The following CTNNBL1 variants were observed in gnomAD, a reference collection of about 807,000 sequenced individuals.
The protein encoded by CTNNBL1 is beta-catenin-like protein 1.
CTNNBL1 carries 31 observed loss-of-function variants against 72.7 expected under a neutral mutation model. The ratio of observed to expected loss-of-function variants is 0.43; its 90% CI spans 0.32 to 0.58. CTNNBL1 has a LOEUF of 0.58. Among genes scored for constraint, CTNNBL1 ranks in the 20% least tolerant of loss-of-function variants. The probability of loss-of-function intolerance (pLI) is 0.08; values close to 1 mark genes in which losing one functional copy is unlikely to be tolerated. For missense variants in CTNNBL1, 534 were observed against 725.1 expected (o/e 0.74, Z 3.03); for synonymous variants, 240 against 267.3 (o/e 0.90, Z 1.00).
intron 3 of CTNNBL1, among the ~76,000 whole-genome samples, chr20:37,739,959 C>T (rs2073201054): frequency 6.6e-6 from 1 of 152,116 alleles, no homozygotes; most frequent in Non-Finnish European, 1.5e-5. Context: ...CTTTGAACAC[C>T]AGTATTTCCT....
chr20:37,787,740 T>C lies in CTNNBL1; in HGVS notation c.1031+8405T>C, dbSNP rs141682572. On this transcript the variant is annotated intron_variant, in intron 10 of 15. Coordinates refer to ENST00000361383, the MANE Select transcript of CTNNBL1 (RefSeq NM_030877.5). ...GTAATTACGTTTAGCCCTTTTCCTG[T>C]TTGTTTTATGGTTTCCTTGGTTGTT... Among the ~76,000 whole-genome samples the C allele has an allele frequency of 1.7e-3, 266 of 152,322 alleles. 3 individuals carry two copies. Among genetic ancestry groups the C allele is most frequent in the African/African-American group, 6.1e-3 (255 of 41,578 alleles).
intron 11 of CTNNBL1, among the ~76,000 whole-genome samples, chr20:37,825,828 C>T (rs2072154695): frequency 6.6e-6 from 1 of 152,226 alleles, no homozygotes; most frequent in Non-Finnish European, 1.5e-5. Context: ...GCTCATACTT[C>T]ATGGTGCTCC....
chr20:37,860,489 G>T, intron 15 of CTNNBL1, 145 bp downstream of exon 15: 1 of 685,424 alleles, frequency 1.5e-6, no homozygotes, highest in East Asian at 2.7e-5. Context: ...TGTGTGTCCA[G>T]GTCGTCTTTG....
chr20:37,803,974 G>A (rs1462551978), intron 11 of CTNNBL1, among the ~76,000 whole-genome samples: 1 of 151,980 alleles, frequency 6.6e-6, no homozygotes, highest in Non-Finnish European at 1.5e-5. Flanking sequence ...TTTTCCAGTT[G>A]ACTTGGCTTA....
chr20:37,852,466 C>T (rs921641286), intron 13 of CTNNBL1, among the ~76,000 whole-genome samples: 8 of 152,176 alleles, frequency 5.3e-5, no homozygotes, highest in African/African-American at 1.2e-4. Flanking sequence ...TGTCCTGTTG[C>T]GGTGGTGAAG....
intron 4 of CTNNBL1, among the ~76,000 whole-genome samples, chr20:37,748,710 G>A (rs1202903944): frequency 6.6e-6 from 1 of 152,204 alleles, no homozygotes; most frequent in African/African-American, 2.4e-5. Flanking sequence ...TCTGGTGAGG[G>A]TCTGCTTCCA....
intron 9 of CTNNBL1, among the ~76,000 whole-genome samples, chr20:37,778,577 CT>C (rs1157504120): frequency 7.9e-5 from 12 of 152,188 alleles, no homozygotes; most frequent in African/African-American, 2.7e-4. Context: ...TGCCTTACAT[CT>C]CTGGCAAAAA....
chr20:37,860,630 T>C (rs1373291127), intron 15 of CTNNBL1, among the ~76,000 whole-genome samples: 1 of 152,070 alleles, frequency 6.6e-6, no homozygotes, highest in Non-Finnish European at 1.5e-5. Flanking sequence ...AAACAAAAAA[T>C]TCAATTCCAA....
chr20:37,766,601 G>A (rs899544927), intron 6 of CTNNBL1, among the ~76,000 whole-genome samples: 2 of 152,316 alleles, frequency 1.3e-5, no homozygotes, highest in East Asian at 3.9e-4. Context: ...GCTAGCTCCT[G>A]TGCATGACTG....
At chr20:37,863,181 A>G (rs935291432) in intron 15 of CTNNBL1, among the ~76,000 whole-genome samples, 6 of 152,134 alleles carry the variant, frequency 3.9e-5, no homozygotes, top group Admixed American at 2.6e-4. Flanking sequence ...GTGCTGTGCT[A>G]TGGAGGTGTC....
intron 1 of CTNNBL1, among the ~76,000 whole-genome samples, chr20:37,714,660 G>A (rs2072970427): frequency 6.6e-6 from 1 of 152,184 alleles, no homozygotes; most frequent in Non-Finnish European, 1.5e-5. Flanking sequence ...AGTCTACTGT[G>A]GGCCATGATT....
chr20:37,720,756 CT>C (rs777552612), intron 1 of CTNNBL1, among the ~76,000 whole-genome samples: 4 of 152,196 alleles, frequency 2.6e-5, no homozygotes, highest in Non-Finnish European at 4.4e-5. Flanking sequence ...AGCCAAAAAT[CT>C]GTCTTTCATT....
chr20:37,791,065 T>G (rs1241652729), intron 10 of CTNNBL1, among the ~76,000 whole-genome samples: 1 of 152,224 alleles, frequency 6.6e-6, no homozygotes, highest in South Asian at 2.1e-4. Flanking sequence ...TATTTTGAGA[T>G]TCGTCCATGT....
At chr20:37,837,670 G>GC (rs2072266924) in intron 11 of CTNNBL1, among the ~76,000 whole-genome samples, 1 of 5,200 alleles carries the variant, frequency 1.9e-4, no homozygotes, top group Admixed American at 3.8e-3. Context: ...AAGTGCAAAA[G>GC]TATTTGAAGG....
intron 1 of CTNNBL1, among the ~76,000 whole-genome samples, chr20:37,702,690 C>T (rs993747050): frequency 6.6e-6 from 1 of 152,030 alleles, no homozygotes; most frequent in Non-Finnish European, 1.5e-5. Flanking sequence ...CACTTCCTCC[C>T]TCTGCGTTCT....
rs544837283 is a variant in CTNNBL1 at position 37,786,379 on chromosome 20, A to G, written c.1031+7044A>G. Among the ~76,000 whole-genome samples the G allele has an allele frequency of 3.3e-5, 5 of 152,304 alleles. No homozygotes were observed. In the East Asian group the frequency reaches 7.7e-4, roughly 24 times the overall value. The stretch of plus-strand genomic sequence containing the variant: ...GTTCCCCCCAGCCCCAGGCAGCTCT[A>G]CAGATGCCATCTGAGAGCCAGAGCC... On this transcript the variant is annotated intron_variant, in intron 10 of 15. Coordinates refer to ENST00000361383, the MANE Select transcript of CTNNBL1 (RefSeq NM_030877.5).
At chr20:37,757,506 G>GA in intron 4 of CTNNBL1, 53 bp from the exon 5 acceptor site, 1 of 1,322,270 alleles carries the variant, frequency 7.6e-7, no homozygotes, top group Non-Finnish European at 1.1e-6. Flanking sequence ...CAAGGATTAA[G>GA]AAAAATACTG....
At chr20:37,776,031 T>C (rs2073570659) in intron 7 of CTNNBL1, among the ~76,000 whole-genome samples, 1 of 152,258 alleles carries the variant, frequency 6.6e-6, no homozygotes, top group South Asian at 2.1e-4. Flanking sequence ...GCTTACTCCT[T>C]GGCTTTTCAC....
chr20:37,753,957 G>A (rs1600465426), intron 4 of CTNNBL1, among the ~76,000 whole-genome samples: 1 of 152,220 alleles, frequency 6.6e-6, no homozygotes, highest in African/African-American at 2.4e-5. Context: ...AGGAAATTAA[G>A]CTGTAAGGAA....
Sources: gnomAD v4.1 joint callset for allele counts (sites outside exome capture counted in the v4.1 genomes callset) on GRCh38, gnomAD v4.1.1 for gene constraint, MANE v1.5 for transcripts, NCBI Gene and HGNC (gene_info 2026-07-23, HGNC 2026-07-21) for gene names.